The following ANKIB1 variants were observed in gnomAD, a reference collection of about 807,000 sequenced individuals.
The protein encoded by ANKIB1 is ankyrin repeat and IBR domain containing 1.
A neutral mutation model predicts 122.1 loss-of-function variants in ANKIB1; 43 were observed. That is an observed-to-expected ratio of 0.35 (90% confidence interval 0.28 to 0.45). The LOEUF (loss-of-function observed/expected upper bound fraction) is 0.45. ANKIB1 is among the 20% of genes least tolerant of loss of function. The pLI, the probability that ANKIB1 is intolerant of heterozygous loss-of-function variation, is 1.00. For synonymous variants in ANKIB1, 390 were observed against 442.0 expected, an observed-to-expected ratio of 0.88 and a Z score of 1.48; for missense variants, 992 against 1,329.5, an observed-to-expected ratio of 0.75 and a Z score of 3.95.
At position 92,354,603 on chromosome 7, in the gene ANKIB1, G is replaced by A. The variant is rs140895489; in HGVS notation, c.1397+1961G>A. On this transcript the variant is annotated intron_variant, in intron 9 of 19. Coordinates refer to ENST00000265742, the MANE Select transcript of ANKIB1 (RefSeq NM_019004.2). Reference sequence around the variant, plus strand: ...CTTCAGCTTAATCTTTTGTCTTTCAGTTTTGGTATTTATTAAGTTATAGGA... The same window carrying A: ...CTTCAGCTTAATCTTTTGTCTTTCAATTTTGGTATTTATTAAGTTATAGGA... Among the ~76,000 whole-genome samples, 1,091 of 152,232 alleles carry A rather than the reference G, an allele frequency of 7.2e-3. 11 individuals are homozygous for A. The highest frequency in any genetic ancestry group is 0.025 in the African/African-American group (1,040 of 41,558).
At chr7:92,250,801 C>T (rs1801315023) in intron 1 of ANKIB1, among the ~76,000 whole-genome samples, 1 of 152,174 alleles carries the variant, frequency 6.6e-6, no homozygotes, top group Admixed American at 6.5e-5. Context: ...CTTTTTCAGA[C>T]ACTCAGCATT....
At chr7:92,346,546 C>G (rs1007417236) in intron 7 of ANKIB1, among the ~76,000 whole-genome samples, 1 of 152,204 alleles carries the variant, frequency 6.6e-6, no homozygotes, top group Non-Finnish European at 1.5e-5. Flanking sequence ...TACTCAGAGT[C>G]TACTTAGATA....
intron 16 of ANKIB1, 29 bp from the exon 17 acceptor site, chr7:92,392,212 A>G (rs988688276): frequency 1.3e-5 from 20 of 1,597,904 alleles, no homozygotes; most frequent in Non-Finnish European, 1.7e-5. Context: ...TTGATATTAA[A>G]TCAAATGGTA....
rs774622930 is a variant in ANKIB1 at position 92,246,518 on chromosome 7, C to G, written c.-92C>G. 1.9e-6 allele frequency: 1 copy of G among 518,354 alleles called. No homozygotes were observed. The highest frequency in any genetic ancestry group is 5.5e-5 in the East Asian group (1 of 18,338). The allele number at this position is 518,354 out of a possible 1,614,324, so 32.1% of individuals were successfully genotyped here. A position where few individuals can be genotyped will look rare whatever the true frequency, so the allele number is the denominator to read the frequency against. On this transcript the variant is annotated splice_region_variant and 5_prime_UTR_variant, in exon 1 of 20. Transcript: ENST00000265742. ...CCCTTACCCTCAGCGAGAGAAGTAA[C>G]CGTAAGTCTCAGCTTCGCGGTACAG...
chr7:92,264,087 C>T (rs149817719), intron 1 of ANKIB1, among the ~76,000 whole-genome samples: 7 of 151,468 alleles, frequency 4.6e-5, no homozygotes, highest in Admixed American at 3.9e-4. Context: ...CTTATTTTAT[C>T]TATCCTAGTG....
chr7:92,339,659 A>T (rs1018243705), intron 5 of ANKIB1, among the ~76,000 whole-genome samples: 3 of 152,196 alleles, frequency 2.0e-5, no homozygotes, highest in African/African-American at 7.2e-5. Context: ...CTGCCCTTAA[A>T]TAAGTTTACA....
chr7:92,319,609 C>A, intron 4 of ANKIB1, 97 bp downstream of exon 4: 2 of 986,912 alleles, frequency 2.0e-6, no homozygotes, highest in South Asian at 1.9e-5. Context: ...TTTGTGTGTT[C>A]TTCTTTACAG....
Position 92,390,704 on chromosome 7 carries a change from C to A in ANKIB1, c.2053-462C>A, listed in dbSNP as rs113928184. ...TCTGTCAAGGATCAGTATTCATTTT[C>A]TCCGTAAAGCCTTCCACACTTGACC... On this transcript the variant is annotated intron_variant, in intron 15 of 19. Coordinates refer to ENST00000265742, the MANE Select transcript of ANKIB1 (RefSeq NM_019004.2). 5.1e-3 allele frequency among the ~76,000 whole-genome samples: 779 copies of A among 152,276 alleles called. 7 individuals are homozygous for A. The highest frequency in any genetic ancestry group is 0.018 in the African/African-American group (739 of 41,550).
At chr7:92,270,813 T>C (rs957192905) in intron 1 of ANKIB1, among the ~76,000 whole-genome samples, 3 of 147,932 alleles carry the variant, frequency 2.0e-5, no homozygotes, top group Admixed American at 6.8e-5. Flanking sequence ...GTTTCTTGCA[T>C]TCAGCATGAT....
rs1805001097 is a variant in ANKIB1 at position 92,400,978 on chromosome 7, A to C, written c.*2029A>C. On this transcript the variant is annotated 3_prime_UTR_variant, in exon 20 of 20. Transcript: ENST00000265742. ...TGAGGCATCTTGCACAGCTGCAGTTAAGGTGAGAAAGAATGCTCTGTGTGA... is the reference window on the plus strand; with the variant it reads ...TGAGGCATCTTGCACAGCTGCAGTTCAGGTGAGAAAGAATGCTCTGTGTGA... The C allele has an allele frequency of 6.6e-6, 1 of 152,216 alleles. No individual in the cohort carries two copies. Among genetic ancestry groups the C allele is most frequent in the South Asian group, 2.1e-4 (1 of 4,832 alleles). The allele number at this position is 152,216 out of a possible 1,614,324, so 9.4% of individuals were successfully genotyped here.
chr7:92,286,582 C>G (rs770401464), intron 1 of ANKIB1, among the ~76,000 whole-genome samples: 44 of 150,712 alleles, frequency 2.9e-4, no homozygotes, highest in African/African-American at 1.0e-3. Context: ...TGGGTTTAAT[C>G]GATTCTCCTG....
chr7:92,361,766 CCTTA>C (rs907952632), intron 9 of ANKIB1, among the ~76,000 whole-genome samples: 5 of 151,314 alleles, frequency 3.3e-5, no homozygotes, highest in Non-Finnish European at 7.4e-5. Flanking sequence ...AGTCACCGTG[CCTTA>C]CTTTTTTCAA....
At chr7:92,343,582 A>G (rs902586687) in intron 6 of ANKIB1, among the ~76,000 whole-genome samples, 4 of 152,138 alleles carry the variant, frequency 2.6e-5, no homozygotes, top group Non-Finnish European at 4.4e-5. Flanking sequence ...CTATAATCCT[A>G]GCACTTTGGG....
At chr7:92,389,452 C>T (rs540622686) in intron 14 of ANKIB1, among the ~76,000 whole-genome samples, 75 of 152,120 alleles carry the variant, frequency 4.9e-4, no homozygotes, top group African/African-American at 1.8e-3. Context: ...TCTTCCTCCC[C>T]TTCTTTCTTT....
chr7:92,247,364 A>G (rs1247162950), intron 1 of ANKIB1, among the ~76,000 whole-genome samples: 1 of 152,186 alleles, frequency 6.6e-6, no homozygotes, highest in African/African-American at 2.4e-5. Context: ...GTGTATTGGA[A>G]GGTTTTGCTT....
intron 9 of ANKIB1, among the ~76,000 whole-genome samples, chr7:92,359,430 C>T (rs543835226): frequency 1.1e-4 from 16 of 152,330 alleles, no homozygotes; most frequent in African/African-American, 3.8e-4. Context: ...CATGGTATTC[C>T]ATGGTGTATA....
At chr7:92,381,441 A>G (rs1016653944) in intron 11 of ANKIB1, among the ~76,000 whole-genome samples, 1 of 152,216 alleles carries the variant, frequency 6.6e-6, no homozygotes, top group Non-Finnish European at 1.5e-5. Context: ...CATAATTGTC[A>G]GATTCACCAA....
intron 3 of ANKIB1, among the ~76,000 whole-genome samples, chr7:92,310,102 TTTTTGCTCAGTGAAAGAAATTA>T (rs1272587208): frequency 6.7e-4 from 102 of 151,836 alleles, no homozygotes; most frequent in Non-Finnish European, 1.4e-3. Context: ...CCAGCATTAT[TTTTTGCTCAGTGAAAGAAATTA>T]GTGCCAGGTT....
intron 5 of ANKIB1, among the ~76,000 whole-genome samples, chr7:92,341,980 CCTT>C (rs1469248366): frequency 1.3e-5 from 2 of 151,958 alleles, no homozygotes; most frequent in African/African-American, 2.4e-5. Flanking sequence ...GAAATATACT[CCTT>C]CTATTTTCAT....
Sources: allele counts gnomAD v4.1 joint callset (sites outside exome capture counted in the v4.1 genomes callset), GRCh38; gene constraint gnomAD v4.1.1; transcripts MANE v1.5; gene names NCBI Gene and HGNC (gene_info 2026-07-23, HGNC 2026-07-21).